STK32A: variants seen among roughly 807,000 people sequenced by gnomAD.
STK32A encodes serine/threonine-protein kinase 32A.
In STK32A, 41 loss-of-function variants were observed where a neutral mutation model predicts 53.2. The observed-to-expected ratio is 0.77, with a 90% CI of 0.60 to 1.00. The LOEUF (loss-of-function observed/expected upper bound fraction) is 1.00, where lower values mean the gene tolerates loss of function less well. STK32A is among the 50% of genes least tolerant of loss of function. STK32A has a pLI of 0.00. For synonymous variants in STK32A, 166 were observed against 162.8 expected, an observed-to-expected ratio of 1.02 and a Z score of -0.15; for missense variants, 458 against 485.8, an observed-to-expected ratio of 0.94 and a Z score of 0.54.
At chr5:147,251,138 C>A (rs1753980564) in intron 2 of STK32A, among the ~76,000 whole-genome samples, 2 of 152,094 alleles carry the variant, frequency 1.3e-5, no homozygotes, top group South Asian at 2.1e-4. Flanking sequence ...GGCCAGGAAC[C>A]AGGACTGGCT....
the STK32A span, chr5:147,394,216 G>A: frequency 7.6e-7 from 1 of 1,311,502 alleles, no homozygotes; most frequent in Non-Finnish European, 1.1e-6. Flanking sequence ...AATTTTAAGA[G>A]TGCAAGATAT....
In STK32A at chr5:147,385,172, A is replaced by G. The variant is rs7714559; in HGVS notation, c.*1189A>G. The stretch of plus-strand genomic sequence containing the variant: ...TTTTTTTCTTTTCAGGCAGAGTCTC[A>G]CTCTGTCACCCAGGCTGGAGTGCAG... On this transcript the variant is annotated 3_prime_UTR_variant, in exon 13 of 13. Transcript: ENST00000397936. 0.51 allele frequency: 77,744 copies of G among 151,946 alleles called. 21,341 individuals are homozygous for G. Among genetic ancestry groups the G allele is most frequent in the East Asian group, 0.84 (4,350 of 5,180 alleles). 9.4% of individuals were successfully genotyped at this position (151,946 alleles called of 1,614,324 possible).
chr5:147,399,334 C>A, the STK32A span: 1 of 1,447,464 alleles, frequency 6.9e-7, no homozygotes, highest in Non-Finnish European at 9.2e-7. Flanking sequence ...AGAAAGACAA[C>A]CCACAAAGGC....
At chr5:147,354,261 C>T (rs1756120492) in intron 7 of STK32A, among the ~76,000 whole-genome samples, 1 of 152,120 alleles carries the variant, frequency 6.6e-6, no homozygotes, top group Admixed American at 6.5e-5. Flanking sequence ...CATATCCAAG[C>T]CTGCTGCTCT....
intron 2 of STK32A, among the ~76,000 whole-genome samples, chr5:147,259,915 CTCTTGTCTCTCACTCCTGGCTG>C (rs1295909734): frequency 1.3e-4 from 18 of 135,898 alleles, no homozygotes; most frequent in African/African-American, 5.4e-4. Flanking sequence ...TCTCTCTCCC[CTCTTGTCTCTCACTCCTGGCTG>C]TCTCTCTCTC....
chr5:147,397,335 G>A, the STK32A span, among the ~76,000 whole-genome samples: 1 of 151,670 alleles, frequency 6.6e-6, no homozygotes, highest in Admixed American at 6.6e-5. Context: ...GTGGATTCTC[G>A]GTTCTCACCT....
chr5:147,273,474 G>C (rs1755132561), intron 2 of STK32A, among the ~76,000 whole-genome samples: 1 of 152,182 alleles, frequency 6.6e-6, no homozygotes, highest in African/African-American at 2.4e-5. Context: ...GCAGACTCAG[G>C]TGAGTTGATT....
At chr5:147,350,091 C>A (rs1358752012) in intron 6 of STK32A, among the ~76,000 whole-genome samples, 1 of 150,356 alleles carries the variant, frequency 6.7e-6, no homozygotes, top group African/African-American at 2.5e-5. Flanking sequence ...AGCCTGGCAA[C>A]AGAGTGAGAC....
intron 3 of STK32A, 70 bp downstream of exon 3, chr5:147,278,249 G>T: frequency 7.7e-7 from 1 of 1,295,012 alleles, no homozygotes; most frequent in Non-Finnish European, 1.1e-6. Flanking sequence ...GTCCAGAAAT[G>T]TTCACATTAT....
chr5:147,375,325 T>G (rs534065960), intron 11 of STK32A, 107 bp downstream of exon 11: 891 of 1,403,982 alleles, frequency 6.3e-4, no homozygotes, highest in South Asian at 1.2e-3. Context: ...CTTTTGCTGC[T>G]TAGTGAAATA....
intron 7 of STK32A, among the ~76,000 whole-genome samples, chr5:147,355,792 G>GTGTGTGTGTATATATATA (rs984298293): frequency 2.0e-5 from 3 of 147,764 alleles, no homozygotes; most frequent in African/African-American, 7.6e-5. Context: ...GTGTGTGTGT[G>GTGTGTGTGTATATATATA]TATATATATA....
At chr5:147,305,218 C>T (rs1410226784) in intron 4 of STK32A, among the ~76,000 whole-genome samples, 2 of 151,994 alleles carry the variant, frequency 1.3e-5, no homozygotes, top group Non-Finnish European at 2.9e-5. Context: ...GTGAGGAAAA[C>T]ATTTATTGGG....
intron 6 of STK32A, among the ~76,000 whole-genome samples, chr5:147,343,448 G>T (rs922604873): frequency 6.6e-6 from 1 of 152,160 alleles, no homozygotes; most frequent in Non-Finnish European, 1.5e-5. Context: ...ACATTATTTT[G>T]TTCTCATTGC....
At chr5:147,261,481 G>A (rs182922259) in intron 2 of STK32A, among the ~76,000 whole-genome samples, 1 of 152,280 alleles carries the variant, frequency 6.6e-6, no homozygotes, top group Non-Finnish European at 1.5e-5. Context: ...GCTTTGGCAG[G>A]AGTCAGGGCA....
At chr5:147,335,255 G>A (rs1407088399) in intron 5 of STK32A, among the ~76,000 whole-genome samples, 1 of 152,162 alleles carries the variant, frequency 6.6e-6, no homozygotes, top group African/African-American at 2.4e-5. Context: ...TACAAATGTG[G>A]AGGGCTGAGT....
chr5:147,250,454 A>T (rs568563467), intron 2 of STK32A, among the ~76,000 whole-genome samples: 1 of 152,310 alleles, frequency 6.6e-6, no homozygotes, highest in East Asian at 1.9e-4. Context: ...GGAAGGAAAG[A>T]GATAGTTGAT....
At position 147,315,226 on chromosome 5, in the gene STK32A, T is replaced by A. The variant is rs558285877; in HGVS notation, c.261-8672T>A. On this transcript the variant is annotated intron_variant, in intron 4 of 12. Coordinates refer to ENST00000397936, the MANE Select transcript of STK32A (RefSeq NM_001112724.2). ...GATCCAACAATTCCGTTACTCAATA[T>A]TTACTCAAAATAATTGAAAGCAGGG... Among the ~76,000 whole-genome samples the A allele has an allele frequency of 3.3e-5, 5 of 152,288 alleles. No individual in the cohort carries two copies. In the South Asian group the frequency reaches 1.0e-3, roughly 32 times the overall value.
intron 8 of STK32A, among the ~76,000 whole-genome samples, chr5:147,364,215 C>CAAAAAAAAA (rs764357691): frequency 1.5e-5 from 1 of 66,878 alleles, no homozygotes; most frequent in Non-Finnish European, 3.1e-5. Flanking sequence ...AACTCCATCT[C>CAAAAAAAAA]AAAAAAAAAA....
downstream of STK32A, among the ~76,000 whole-genome samples, chr5:147,388,446 G>A (rs576142692): frequency 6.6e-5 from 10 of 152,282 alleles, no homozygotes; most frequent in Non-Finnish European, 1.0e-4. Context: ...TGTGGCCTCC[G>A]AAGTTCTGCA....
Sources: allele counts gnomAD v4.1 joint callset (sites outside exome capture counted in the v4.1 genomes callset), GRCh38; gene constraint gnomAD v4.1.1; transcripts MANE v1.5; gene names NCBI Gene and HGNC (gene_info 2026-07-23, HGNC 2026-07-21).